Variants in WDR4 observed in about 807,000 individuals in gnomAD.
The protein encoded by WDR4 is WDR4 tRNA N7-guanosine methyltransferase non-catalytic subunit.
Under a neutral mutation model 48.6 loss-of-function variants are expected in WDR4, and 47 were observed. That is an observed-to-expected ratio of 0.97 (90% confidence interval 0.77 to 1.23). WDR4 has a LOEUF of 1.23. WDR4 is among the 50% of genes most tolerant of loss of function. WDR4 has a pLI of 0.00. For missense variants in WDR4, 606 were observed against 551.6 expected (o/e 1.10, Z -0.99); for synonymous variants, 268 against 230.0 (o/e 1.17, Z -1.49).
intron 2 of WDR4, among the ~76,000 whole-genome samples, chr21:42,874,814 T>C (rs1022076075): frequency 6.6e-6 from 1 of 152,180 alleles, no homozygotes; most frequent in African/African-American, 2.4e-5. Flanking sequence ...TTATTAGCAA[T>C]TTTAATTTTG....
At chr21:42,877,180 A>C (rs566167390) in intron 1 of WDR4, among the ~76,000 whole-genome samples, 1 of 121,872 alleles carries the variant, frequency 8.2e-6, no homozygotes, top group Non-Finnish European at 1.6e-5. Flanking sequence ...GTCTCGCTCT[A>C]TCACTCAGGC....
Position 42,873,589 on chromosome 21 carries a change from A to T in WDR4, c.258T>A (p.Ile86=). The T allele has an allele frequency of 6.2e-7, 1 of 1,614,200 alleles. No homozygotes were observed. The highest frequency in any genetic ancestry group is 1.1e-5 in the South Asian group (1 of 91,084). Residue 86 remains isoleucine, a synonymous_variant, in exon 3 of 11, where the codon ATT becomes ATA. Transcript: ENST00000398208. The part of the protein sequence containing the change: ...FALTDDSKRL[I]LFRTKPWQCL... ...ATTGCCATGGTTTTGTACGGAAAAG[A>T]ATCAGACGCTTACTGTCATCGGTTA...
intron 3 of WDR4, among the ~76,000 whole-genome samples, chr21:42,867,010 G>A (rs1271239834): frequency 1.3e-5 from 2 of 152,088 alleles, no homozygotes; most frequent in African/African-American, 2.4e-5. Context: ...TCTGCTGCCT[G>A]GACTGCATCA....
At position 42,876,234 on chromosome 21, in the gene WDR4, G is replaced by A. The variant is rs185915762; in HGVS notation, c.155+468C>T. On this transcript the variant is annotated intron_variant, in intron 2 of 10. Transcript: ENST00000398208. ...CACTGTACTCTTTTTTTTTTTGGGA[G>A]ACAGAGTCTTGCTCTATTCCCCAGG... Among the ~76,000 whole-genome samples the A allele has an allele frequency of 3.2e-3, 89 of 28,050 alleles. 1 individual carries two copies. Among genetic ancestry groups the A allele is most frequent in the East Asian group, 0.027 (65 of 2,372 alleles). The allele number at this position is 28,050 out of a possible 152,430, so 18.4% of individuals were successfully genotyped here. A position where few individuals can be genotyped will look rare whatever the true frequency, so the allele number is the denominator to read the frequency against.
intron 1 of WDR4, 198 bp downstream of exon 1, chr21:42,879,209 G>A: frequency 2.3e-6 from 3 of 1,317,068 alleles, no homozygotes; most frequent in South Asian, 2.0e-5. Flanking sequence ...CGCCGAGAGC[G>A]GACGGCGAAA....
rs1433061923 is a variant in WDR4 at position 42,852,336 on chromosome 21, A to C, written c.976-12T>G. 5 of 1,613,626 alleles carry C rather than the reference A, an allele frequency of 3.1e-6. No individual in the cohort carries two copies. Among genetic ancestry groups the C allele is most frequent in the Middle Eastern group, 1.6e-4 (1 of 6,082 alleles). On this transcript the variant is annotated splice_polypyrimidine_tract_variant and intron_variant, in intron 9 of 10. Coordinates refer to ENST00000398208, the MANE Select transcript of WDR4 (RefSeq NM_018669.6). ...CTCTCAGGAACAGACTGCAGGCGAC[A>C]AACAGGAAATCTTCATCAGAAAGAG...
At chr21:42,872,075 C>T (rs1046200539) in intron 3 of WDR4, among the ~76,000 whole-genome samples, 6 of 152,014 alleles carry the variant, frequency 3.9e-5, no homozygotes, top group African/African-American at 1.4e-4. Flanking sequence ...ACCTCCGCCT[C>T]CCAGGTTCGG....
At chr21:42,846,579 G>C (rs913881062), downstream of WDR4, among the ~76,000 whole-genome samples, 4 of 152,226 alleles carry the variant, frequency 2.6e-5, no homozygotes, top group African/African-American at 9.6e-5. Context: ...TGGGCATAAT[G>C]GCTCGTGCCT....
Position 42,852,297 on chromosome 21 carries a change from T to C in WDR4, c.1003A>G (p.Lys335Glu), listed in dbSNP as rs1011903893. 7 of 1,614,034 alleles carry C rather than the reference T, an allele frequency of 4.3e-6. No homozygotes were observed. The highest frequency in any genetic ancestry group is 5.9e-6 in the Non-Finnish European group (7 of 1,180,024). The change falls in exon 10 of 11, where the codon AAA (lysine) becomes GAA (glutamate). Residue 335 changes from lysine to glutamate, a missense_variant. Lys to Glu is a moderately conservative substitution (Grantham distance 56, BLOSUM62 1). Transcript: ENST00000398208. ...TTCCCACGAAGAACACCAGAGACTT[T>C]CTTTAACACGGTGCTCTCAGGAACA... ...QSVPESTVLKKVSGVLRGNWA... is the reference protein window; with the variant it reads ...QSVPESTVLKEVSGVLRGNWA...
chr21:42,859,847 A>C (rs2058076380), intron 5 of WDR4, 125 bp from the exon 6 acceptor site: 8 of 965,178 alleles, frequency 8.3e-6, no homozygotes, highest in Non-Finnish European at 1.3e-5. Flanking sequence ...TGATCCAATA[A>C]AAACAGCCAA....
chr21:42,853,881 C>A, intron 8 of WDR4, 129 bp from the exon 9 acceptor site: 1 of 1,020,164 alleles, frequency 9.8e-7, no homozygotes. Flanking sequence ...AAAGCCCCAG[C>A]TGCGCCACTC....
intron 8 of WDR4, 62 bp downstream of exon 8, chr21:42,854,500 G>A (rs1029303779): frequency 1.0e-5 from 16 of 1,551,660 alleles, no homozygotes; most frequent in Admixed American, 3.9e-5. Context: ...TGGCCAACCC[G>A]CTAACTCTTC....
chr21:42,845,117 C>T (rs568734590), downstream of WDR4, among the ~76,000 whole-genome samples: 81 of 152,304 alleles, frequency 5.3e-4, no homozygotes, highest in African/African-American at 1.9e-3. Flanking sequence ...CATATCTGCA[C>T]GTGCACATAC....
chr21:42,864,736 C>T (rs2058210365), intron 3 of WDR4, among the ~76,000 whole-genome samples: 1 of 152,202 alleles, frequency 6.6e-6, no homozygotes, highest in African/African-American at 2.4e-5. Context: ...CTCAGGGCTA[C>T]ACTACTTCCT....
chr21:42,863,385 C>T (rs1374609736), intron 4 of WDR4, 55 bp downstream of exon 4: 1 of 1,575,238 alleles, frequency 6.3e-7, no homozygotes, highest in African/African-American at 1.4e-5. Flanking sequence ...CCACGTCCCC[C>T]ATGTACCGTG....
intron 3 of WDR4, among the ~76,000 whole-genome samples, chr21:42,866,879 T>C (rs1353805005): frequency 6.6e-6 from 1 of 152,158 alleles, no homozygotes; most frequent in African/African-American, 2.4e-5. Flanking sequence ...AAAGTGGCAG[T>C]AACTTCACAA....
chr21:42,859,453 A>T (rs889096584), intron 6 of WDR4, among the ~76,000 whole-genome samples: 1 of 151,990 alleles, frequency 6.6e-6, no homozygotes, highest in Non-Finnish European at 1.5e-5. Context: ...CCACAGGCGA[A>T]CACACACGCA....
intron 6 of WDR4, among the ~76,000 whole-genome samples, chr21:42,856,200 T>C (rs1431872066): frequency 6.6e-6 from 1 of 152,110 alleles, no homozygotes; most frequent in Non-Finnish European, 1.5e-5. Flanking sequence ...GAGACACGTG[T>C]GGGCTCATGA....
chr21:42,855,700 C>G lies in WDR4; in HGVS notation c.708G>C (p.Val236=). 1 of 1,553,764 alleles carries G rather than the reference C, an allele frequency of 6.4e-7. No homozygotes were observed. Among genetic ancestry groups the G allele is most frequent in the South Asian group, 1.2e-5 (1 of 84,190 alleles). Residue 236 remains valine, a synonymous_variant, in exon 7 of 11, where the codon GTG becomes GTC. Coordinates refer to ENST00000398208, the MANE Select transcript of WDR4 (RefSeq NM_018669.6). ...CAGCTACCTGGGGGGCCTGGGGGTC[C>G]ACCAGCTCCTGCAGACTGGCCAGGT... ...CCHLASLQEL[V]DPQAPQKFAA...
Sources: allele counts gnomAD v4.1 joint callset (sites outside exome capture counted in the v4.1 genomes callset), GRCh38; gene constraint gnomAD v4.1.1; transcripts MANE v1.5; gene names NCBI Gene and HGNC (gene_info 2026-07-23, HGNC 2026-07-21).